The following BCL9 variants were observed in gnomAD, a reference collection of about 807,000 sequenced individuals.
BCL9 encodes the protein BCL9 transcription coactivator.
BCL9 carries 25 observed loss-of-function variants against 88.5 expected under a neutral mutation model. The observed-to-expected ratio is 0.28, with a 90% CI of 0.21 to 0.39. The LOEUF (loss-of-function observed/expected upper bound fraction) is 0.39. BCL9 is among the 10% of genes least tolerant of loss of function. BCL9 has a pLI of 1.00. For synonymous variants in BCL9, 711 were observed against 673.3 expected, an observed-to-expected ratio of 1.06 and a Z score of -0.87; for missense variants, 1,817 against 1,877.8, an observed-to-expected ratio of 0.97 and a Z score of 0.60.
rs781799236 is a variant in BCL9 at position 147,619,766 on chromosome 1, T to C, written c.1611T>C (p.Gly537=). Residue 537 remains glycine (G), a synonymous_variant, in exon 8 of 10, where the codon GGT becomes GGC. Transcript: ENST00000234739. This position sits in a 1 kb window ranked among gnomAD's most constrained non-coding sequence, Gnocchi z 4.1. Reference sequence around the variant, plus strand: ...GGGGTACAGAGCCATTTTCTGATGGTATCAACATGCCACATTCTCTGCCCC... The same window carrying C: ...GGGGTACAGAGCCATTTTCTGATGGCATCAACATGCCACATTCTCTGCCCC... The part of the protein sequence containing the change: ...APGGTEPFSD[G]INMPHSLPPR... 12 of 1,613,878 alleles carry C rather than the reference T, an allele frequency of 7.4e-6. No homozygotes were observed. The highest frequency in any genetic ancestry group is 3.3e-5 in the Admixed American group (2 of 59,988).
Position 147,566,875 on chromosome 1 carries a change from G to A in BCL9, c.-478+25201G>A, listed in dbSNP as rs139816666. ...GATACATTTGGGGTGAAGAGGGAATGCTAGGTGGAAGCTAATCACAGAAAG... is the reference window on the plus strand; with the variant it reads ...GATACATTTGGGGTGAAGAGGGAATACTAGGTGGAAGCTAATCACAGAAAG... On this transcript the variant is annotated intron_variant, in intron 1 of 9. Transcript: ENST00000234739. 9.8e-3 allele frequency among the ~76,000 whole-genome samples: 1,487 copies of A among 152,300 alleles called. 18 individuals are homozygous for A. Among genetic ancestry groups the A allele is most frequent in the Non-Finnish European group, 0.015 (1,020 of 68,026 alleles).
rs781845317 is a variant in BCL9 at position 147,619,700 on chromosome 1, C to A, written c.1545C>A (p.Pro515=). 18 of 1,613,918 alleles carry A rather than the reference C, an allele frequency of 1.1e-5. No individual in the cohort carries two copies. The highest frequency in any genetic ancestry group is 3.3e-5 in the Admixed American group (2 of 60,000). ...HGPRGVVRGP[P]PPYQMTPSEG... is the part of the protein sequence containing the mutation. ...CTCGGGGAGTGGTCCGAGGACCCCC[C>A]CCTCCATACCAGATGACCCCTAGTG... The change falls in exon 8 of 10, where the codon CCC becomes CCA. Residue 515 remains proline, a synonymous_variant. Coordinates refer to ENST00000234739, the MANE Select transcript of BCL9 (RefSeq NM_004326.4). The surrounding 1 kb of genome is among the most constrained non-coding windows in gnomAD (Gnocchi z 4.1).
Position 147,625,140 on chromosome 1 carries a change from C to G in BCL9, c.*181C>G, listed in dbSNP as rs782163359. The G allele has an allele frequency of 1.9e-5, 13 of 675,712 alleles. No homozygotes were observed. The African/African-American group carries it at 2.3e-4, about 12-fold the overall frequency. The allele number at this position is 675,712 out of a possible 1,614,324, so 41.9% of individuals were successfully genotyped here. A position where few individuals can be genotyped will look rare whatever the true frequency, so the allele number is the denominator to read the frequency against. On this transcript the variant is annotated 3_prime_UTR_variant, in exon 10 of 10. Coordinates refer to ENST00000234739, the MANE Select transcript of BCL9 (RefSeq NM_004326.4). ...TGGATTTACCTGAAAACAAATTATT[C>G]ATTTAATCAACAGGTGTGTTTTTTT...
chr1:147,594,084 C>T (rs1656949960), intron 1 of BCL9, among the ~76,000 whole-genome samples: 1 of 152,164 alleles, frequency 6.6e-6, no homozygotes, highest in Non-Finnish European at 1.5e-5. Flanking sequence ...GAGGGGCCCT[C>T]ATTGGGCTCA....
chr1:147,591,883 G>A (rs1235547205), intron 1 of BCL9, among the ~76,000 whole-genome samples: 1 of 152,132 alleles, frequency 6.6e-6, no homozygotes, highest in African/African-American at 2.4e-5. Context: ...ATTCTGTTTA[G>A]AAATTAATTA....
At chr1:147,579,360 A>G (rs1161909173) in intron 1 of BCL9, among the ~76,000 whole-genome samples, 1 of 152,216 alleles carries the variant, frequency 6.6e-6, no homozygotes, top group East Asian at 1.9e-4. Context: ...CAAAATCACA[A>G]ACTTCTCAAA....
At chr1:147,573,100 G>C (rs1358516171) in intron 1 of BCL9, among the ~76,000 whole-genome samples, 3 of 152,216 alleles carry the variant, frequency 2.0e-5, no homozygotes, top group Non-Finnish European at 4.4e-5. Context: ...ATTCTCCATA[G>C]GATGGAGGAC....
chr1:147,584,082 TTG>T, intron 1 of BCL9, among the ~76,000 whole-genome samples: 1 of 150,682 alleles, frequency 6.6e-6, no homozygotes, highest in East Asian at 2.0e-4. Context: ...AGTTTCACTC[TTG>T]TTGCCCAGGC....
At chr1:147,566,942 C>G (rs72698273) in intron 1 of BCL9, among the ~76,000 whole-genome samples, 39,612 of 151,908 alleles carry the variant, frequency 0.26, 5,238 homozygotes, top group Middle Eastern at 0.33. Context: ...CTTTTACTAA[C>G]TAATCTTGTA....
rs116215824 is a variant in BCL9 at position 147,568,064 on chromosome 1, G to C, written c.-478+26390G>C. Reference sequence around the variant, plus strand: ...TAACTCCTTTCTTATGGAAGCCCTTGCATATCAAGCTTTAGAAATGCTAAT... The same window carrying C: ...TAACTCCTTTCTTATGGAAGCCCTTCCATATCAAGCTTTAGAAATGCTAAT... On this transcript the variant is annotated intron_variant, in intron 1 of 9. Coordinates refer to ENST00000234739, the MANE Select transcript of BCL9 (RefSeq NM_004326.4). Among the ~76,000 whole-genome samples the C allele has an allele frequency of 1.6e-3, 249 of 152,280 alleles. 2 individuals are homozygous for C. The highest frequency in any genetic ancestry group is 5.9e-3 in the African/African-American group (244 of 41,560).
chr1:147,570,605 T>C (rs587665912), intron 1 of BCL9, among the ~76,000 whole-genome samples: 2 of 150,882 alleles, frequency 1.3e-5, no homozygotes, highest in South Asian at 4.2e-4. Context: ...CCACTCTTCC[T>C]AACACAAAAT....
At chr1:147,578,048 G>A (rs587662749) in intron 1 of BCL9, among the ~76,000 whole-genome samples, 4 of 152,160 alleles carry the variant, frequency 2.6e-5, no homozygotes, top group East Asian at 1.9e-4. Flanking sequence ...ACCTTAATAC[G>A]ATTTGAGTTT....
At chr1:147,542,770 T>G (rs1461915665) in intron 1 of BCL9, among the ~76,000 whole-genome samples, 3 of 152,124 alleles carry the variant, frequency 2.0e-5, no homozygotes, top group Admixed American at 2.0e-4. Flanking sequence ...CTTGTACGTA[T>G]TTTTGTTTTA....
chr1:147,543,741 G>A (rs1037390827), intron 1 of BCL9, among the ~76,000 whole-genome samples: 3 of 152,118 alleles, frequency 2.0e-5, no homozygotes, highest in Non-Finnish European at 4.4e-5. Context: ...AGAGAGATAA[G>A]CACTGATCTG....
At chr1:147,584,413 G>T (rs1204287116) in intron 1 of BCL9, among the ~76,000 whole-genome samples, 1 of 152,044 alleles carries the variant, frequency 6.6e-6, no homozygotes, top group Non-Finnish European at 1.5e-5. Context: ...CTGGCCTACA[G>T]AACCTCTGGA....
At chr1:147,574,084 C>G (rs74609846) in intron 1 of BCL9, among the ~76,000 whole-genome samples, 3,646 of 152,218 alleles carry the variant, frequency 0.024, 204 homozygotes, top group South Asian at 0.2. Context: ...TGTTATTATC[C>G]CTACTCTAGA....
intron 1 of BCL9, among the ~76,000 whole-genome samples, chr1:147,580,066 TACA>T (rs1656294659): frequency 6.6e-6 from 1 of 152,198 alleles, no homozygotes; most frequent in South Asian, 2.1e-4. Context: ...CTAAGCGATG[TACA>T]ACATGTTTAT....
chr1:147,574,989 T>C (rs1351741904), intron 1 of BCL9, among the ~76,000 whole-genome samples: 8 of 152,208 alleles, frequency 5.3e-5, no homozygotes, highest in Admixed American at 2.0e-4. Flanking sequence ...GGCCACTTTG[T>C]AACTTTTAAA....
intron 4 of BCL9, among the ~76,000 whole-genome samples, chr1:147,612,547 T>G (rs1427099531): frequency 6.6e-6 from 1 of 152,176 alleles, no homozygotes; most frequent in Non-Finnish European, 1.5e-5. Flanking sequence ...TAACGATGCC[T>G]GTTTGTTTAC....
Sources: allele counts gnomAD v4.1 joint callset (sites outside exome capture counted in the v4.1 genomes callset), GRCh38; gene constraint gnomAD v4.1.1; non-coding constraint Gnocchi (gnomAD v3.1); transcripts MANE v1.5; gene names NCBI Gene and HGNC (gene_info 2026-07-23, HGNC 2026-07-21).